The following GRID2 variants were observed in gnomAD, a reference collection of about 807,000 sequenced individuals.
GRID2 encodes glutamate receptor ionotropic, delta-2.
GRID2 carries 33 observed loss-of-function variants against 114.8 expected under a neutral mutation model. The observed-to-expected ratio is 0.29, with a 90% CI of 0.22 to 0.38. The LOEUF (loss-of-function observed/expected upper bound fraction) is 0.38, where lower values mean the gene tolerates loss of function less well. GRID2 is among the 10% of genes least tolerant of loss of function. The pLI, the probability that GRID2 is intolerant of heterozygous loss-of-function variation, is 1.00. For missense variants in GRID2, 1,184 were observed against 1,257.7 expected (o/e 0.94, Z 0.89); for synonymous variants, 505 against 449.9 (o/e 1.12, Z -1.55).
chr4:92,885,267 T>C (rs534668551), intron 2 of GRID2, among the ~76,000 whole-genome samples: 60 of 152,336 alleles, frequency 3.9e-4, no homozygotes, highest in South Asian at 2.1e-3. Context: ...CTACTGTCTT[T>C]GTAGGTTTGA....
intron 13 of GRID2, among the ~76,000 whole-genome samples, chr4:93,588,426 C>A (rs990891318): frequency 2.2e-4 from 34 of 152,146 alleles, no homozygotes; most frequent in African/African-American, 7.0e-4. Context: ...TTATAGATAA[C>A]CTATAAGCCA....
At position 93,370,912 on chromosome 4, in the gene GRID2, AC is replaced by A. The variant is rs199780943; in HGVS notation, c.1246-24694del. 1.3e-3 allele frequency among the ~76,000 whole-genome samples: 191 copies of A among 152,288 alleles called. 5 individuals are homozygous for A. The East Asian group carries it at 0.033, about 27-fold the overall frequency. ...TCATAAACTTCTGATGAACTAAATT[AC>A]TGTAAATTAAAGTCATTGATACATT... On this transcript the variant is annotated intron_variant, in intron 8 of 15. Transcript: ENST00000282020.
At chr4:93,165,789 T>A (rs555090989) in intron 4 of GRID2, among the ~76,000 whole-genome samples, 1 of 152,182 alleles carries the variant, frequency 6.6e-6, no homozygotes, top group Non-Finnish European at 1.5e-5. Context: ...AGACAGGAGG[T>A]GCTTCTTAAA....
At chr4:92,899,327 T>TA (rs1169973218) in intron 2 of GRID2, among the ~76,000 whole-genome samples, 1 of 152,168 alleles carries the variant, frequency 6.6e-6, no homozygotes, top group Non-Finnish European at 1.5e-5. Flanking sequence ...TTAGCTATAT[T>TA]ATGTTTTTAT....
At chr4:93,085,539 T>C (rs1431110081) in intron 3 of GRID2, among the ~76,000 whole-genome samples, 1 of 152,206 alleles carries the variant, frequency 6.6e-6, no homozygotes, top group Admixed American at 6.6e-5. Flanking sequence ...AGAGAGAATC[T>C]GATTCCAATA....
intron 2 of GRID2, among the ~76,000 whole-genome samples, chr4:92,844,354 C>T (rs967929028): frequency 2.6e-5 from 4 of 151,928 alleles, no homozygotes; most frequent in African/African-American, 9.7e-5. Flanking sequence ...GCCTGAACCA[C>T]ATGGTGAAAC....
At chr4:92,418,608 T>C (rs879279078) in intron 1 of GRID2, among the ~76,000 whole-genome samples, 3 of 151,824 alleles carry the variant, frequency 2.0e-5, no homozygotes, top group Admixed American at 6.6e-5. Context: ...TAGAGATGAA[T>C]TGCTAACAAA....
At chr4:93,278,278 A>AC (rs1186010698) in intron 8 of GRID2, among the ~76,000 whole-genome samples, 1 of 151,618 alleles carries the variant, frequency 6.6e-6, no homozygotes, top group Non-Finnish European at 1.5e-5. Context: ...AAAAAAAAAA[A>AC]ACATGTTATT....
At chr4:92,633,907 G>A (rs1205562129) in intron 2 of GRID2, among the ~76,000 whole-genome samples, 2 of 147,604 alleles carry the variant, frequency 1.4e-5, no homozygotes, top group African/African-American at 2.5e-5. Flanking sequence ...TTCACTATAT[G>A]AATCACCATC....
chr4:93,142,139 G>A (rs997066959), intron 4 of GRID2, among the ~76,000 whole-genome samples: 1 of 152,128 alleles, frequency 6.6e-6, no homozygotes, highest in Non-Finnish European at 1.5e-5. Context: ...GCTTGAGCTT[G>A]GAGGTGGAGA....
At chr4:93,246,750 G>A (rs1262924299) in intron 8 of GRID2, among the ~76,000 whole-genome samples, 1 of 151,898 alleles carries the variant, frequency 6.6e-6, no homozygotes, top group African/African-American at 2.4e-5. Context: ...CAAGAAAATA[G>A]CTTGTACCAT....
At chr4:92,674,798 G>A (rs923210306) in intron 2 of GRID2, among the ~76,000 whole-genome samples, 1 of 152,134 alleles carries the variant, frequency 6.6e-6, no homozygotes, top group African/African-American at 2.4e-5. Flanking sequence ...AAAAGTGCTA[G>A]GATTACAGGC....
intron 1 of GRID2, among the ~76,000 whole-genome samples, chr4:92,551,119 A>G (rs1379765558): frequency 6.6e-6 from 1 of 152,162 alleles, no homozygotes; most frequent in East Asian, 1.9e-4. Context: ...TGAACTTGAA[A>G]GGATAGATAG....
At chr4:92,573,236 G>C (rs969882973) in intron 1 of GRID2, among the ~76,000 whole-genome samples, 1 of 151,592 alleles carries the variant, frequency 6.6e-6, no homozygotes, top group Non-Finnish European at 1.5e-5. Flanking sequence ...ATTCTAGTGA[G>C]GAGTCTATTT....
chr4:92,871,686 AT>A (rs905985389), intron 2 of GRID2, among the ~76,000 whole-genome samples: 1 of 151,906 alleles, frequency 6.6e-6, no homozygotes, highest in Admixed American at 6.6e-5. Context: ...AAATATTAGA[AT>A]TTTTTTTAAC....
intron 2 of GRID2, among the ~76,000 whole-genome samples, chr4:92,856,003 C>T (rs1015385743): frequency 5.3e-5 from 8 of 151,966 alleles, no homozygotes; most frequent in Non-Finnish European, 1.0e-4. Flanking sequence ...GGAAAAGCCT[C>T]ACGCAAAAAA....
chr4:93,247,505 A>G (rs1748342679), intron 8 of GRID2, among the ~76,000 whole-genome samples: 1 of 152,042 alleles, frequency 6.6e-6, no homozygotes, highest in South Asian at 2.1e-4. Flanking sequence ...CCTGGTTCTC[A>G]GGCCTTCAGA....
At position 93,343,693 on chromosome 4, in the gene GRID2, T is replaced by A. The variant is rs563520078; in HGVS notation, c.1246-51914T>A. Among the ~76,000 whole-genome samples, 42 of 152,106 alleles carry A rather than the reference T, an allele frequency of 2.8e-4. 1 individual carries two copies. In the East Asian group the frequency reaches 8.1e-3, roughly 29 times the overall value. ...TTCATCAAAAAAATTTTTTTAAATG[T>A]TTGGTAGATTTGGGGAATCAAATAT... On this transcript the variant is annotated intron_variant, in intron 8 of 15. Transcript: ENST00000282020.
intron 2 of GRID2, among the ~76,000 whole-genome samples, chr4:93,047,512 G>A (rs1250987784): frequency 7.1e-6 from 1 of 140,726 alleles, no homozygotes; most frequent in African/African-American, 2.6e-5. Context: ...GGACTGCAGT[G>A]CCATTATACC....
Sources: gnomAD v4.1 joint callset for allele counts (sites outside exome capture counted in the v4.1 genomes callset) on GRCh38, gnomAD v4.1.1 for gene constraint, MANE v1.5 for transcripts, NCBI Gene and HGNC (gene_info 2026-07-23, HGNC 2026-07-21) for gene names.